The following TAF1 variants were observed in gnomAD, a reference collection of about 807,000 sequenced individuals.
The protein encoded by TAF1 is transcription initiation factor TFIID subunit 1.
Under a neutral mutation model 138.5 loss-of-function variants are expected in TAF1, and 2 were observed. The observed-to-expected ratio is 0.01, with a 90% CI of 0.01 to 0.05. The LOEUF is 0.05. TAF1 is among the 10% of genes least tolerant of loss of function. The probability of loss-of-function intolerance (pLI) is 1.00; values close to 1 mark genes in which losing one functional copy is unlikely to be tolerated. For synonymous variants in TAF1, 437 were observed against 503.2 expected (o/e 0.87, Z 1.76); for missense variants, 709 against 1,478.0 (o/e 0.48, Z 8.53).
At chrX:71,418,825 A>G (rs1448058266) in intron 28 of TAF1, among the ~76,000 whole-genome samples, 3 of 102,711 alleles carry the variant, frequency 2.9e-5, no homozygotes, top group Admixed American at 2.2e-4. Context: ...CTGGGGTGCA[A>G]TGGCACAGTC....
chrX:71,475,376 GAGT>G (rs1445637778), intron 13 of TAF1, among the ~76,000 whole-genome samples: 2 of 110,096 alleles, frequency 1.8e-5, no homozygotes, highest in African/African-American at 6.6e-5. Context: ...ACGAGATCAG[GAGT>G]TTGAGACCAG....
At chrX:71,438,729 G>A (rs1199833368) in intron 32 of TAF1, among the ~76,000 whole-genome samples, 1 of 112,067 alleles carries the variant, frequency 8.9e-6, no homozygotes, top group Non-Finnish European at 1.9e-5. Flanking sequence ...GGGGGAGGCC[G>A]AGATGGGTGG....
At chrX:71,458,391 A>G (rs1162511717) in intron 35 of TAF1, 25 bp downstream of exon 35, 2 of 1,205,217 alleles carry the variant, frequency 1.7e-6, no homozygotes, top group Non-Finnish European at 2.2e-6. Flanking sequence ...TTCTCTTTAT[A>G]AGATTGTTAT....
At chrX:71,471,131 C>T (rs1304729950) in intron 13 of TAF1, among the ~76,000 whole-genome samples, 6 of 108,216 alleles carry the variant, frequency 5.5e-5, no homozygotes, top group South Asian at 8.1e-4. Context: ...TCCTGGCCAA[C>T]ATGGTGAAAC....
At chrX:71,411,809 A>T (rs1278435219) in intron 28 of TAF1, among the ~76,000 whole-genome samples, 1 of 112,294 alleles carries the variant, frequency 8.9e-6, no homozygotes, top group Non-Finnish European at 1.9e-5. Flanking sequence ...CCAGGCTGGA[A>T]TGCGATAGCG....
chrX:71,391,812 A>G (rs28382177), intron 18 of TAF1, among the ~76,000 whole-genome samples: 1 of 109,363 alleles, frequency 9.1e-6, no homozygotes, highest in East Asian at 2.9e-4. Context: ...CTTTTAGTAG[A>G]GATGGGGTTT....
chrX:71,477,391 A>G (rs1010545138), intron 13 of TAF1, among the ~76,000 whole-genome samples: 2 of 110,607 alleles, frequency 1.8e-5, no homozygotes, highest in East Asian at 2.8e-4. Context: ...TCTGGGCCCA[A>G]TTGATCCTCC....
At chrX:71,424,440 T>A (rs1403488700) in intron 32 of TAF1, among the ~76,000 whole-genome samples, 1 of 32,716 alleles carries the variant, frequency 3.1e-5, no homozygotes, top group Non-Finnish European at 5.5e-5. Context: ...TTTTTTTTTT[T>A]GGTAGAGACA....
At chrX:71,401,448 C>G (rs778867802) in intron 24 of TAF1, 80 bp from the exon 25 acceptor site, 25 of 1,130,896 alleles carry the variant, frequency 2.2e-5, no homozygotes, top group Non-Finnish European at 2.6e-5. Context: ...TGAGGGATGA[C>G]TTTATTTCTT....
Position 71,383,130 on chromosome X carries a change from A to C in TAF1, c.1913A>C (p.Gln638Pro). The C allele has an allele frequency of 1.7e-6, 2 of 1,210,457 alleles. No individual in the cohort carries two copies. Among genetic ancestry groups the C allele is most frequent in the Non-Finnish European group, 2.2e-6 (2 of 895,315 alleles). ...ALSQPGPHSV[Q>P]PLLKHIKKKA... The stretch of plus-strand genomic sequence containing the variant: ...TCTCAGCCAGGTCCCCACTCAGTCC[A>C]ACCTTTGCTAAAGCACATCAAAAAA... The change falls in exon 12 of 38, where the codon CAA becomes CCA. Residue 638 changes from glutamine to proline, a missense_variant. Gln to Pro is a moderately conservative substitution (Grantham distance 76). This residue lies in a region of TAF1 where 201 missense variants were observed against 421.3 expected (regional missense o/e 0.48). Coordinates refer to ENST00000423759, the MANE Select transcript of TAF1 (RefSeq NM_004606.5).
downstream of TAF1, among the ~76,000 whole-genome samples, chrX:71,468,409 C>T (rs774920349): frequency 2.8e-4 from 31 of 110,439 alleles, no homozygotes; most frequent in Non-Finnish European, 5.1e-4. Context: ...AAACAGAGGC[C>T]GGGTGCTGTG....
chrX:71,524,675 G>A (rs1161153160), intron 13 of TAF1, among the ~76,000 whole-genome samples: 1 of 109,354 alleles, frequency 9.1e-6, no homozygotes, highest in African/African-American at 3.3e-5. Context: ...GGGTGTGGTG[G>A]CTCACGCCTG....
chrX:71,529,518 T>C (rs2147656945), intron 14 of TAF1: 1 of 230,422 alleles, frequency 4.3e-6, no homozygotes, highest in East Asian at 1.2e-4. Context: ...GCTTCACCAC[T>C]CACTTCCATG....
chrX:71,452,492 C>T (rs1160647766), intron 32 of TAF1, among the ~76,000 whole-genome samples: 1 of 109,899 alleles, frequency 9.1e-6, no homozygotes, highest in African/African-American at 3.3e-5. Flanking sequence ...TCCTCACTTC[C>T]TAGATGGGAT....
At chrX:71,476,362 G>A (rs1343150374) in intron 13 of TAF1, among the ~76,000 whole-genome samples, 1 of 111,296 alleles carries the variant, frequency 9.0e-6, no homozygotes, top group Non-Finnish European at 1.9e-5. Flanking sequence ...TAGGCTGGGT[G>A]TGGTGGCTCA....
At chrX:71,429,768 A>G (rs1376867371) in intron 32 of TAF1, among the ~76,000 whole-genome samples, 1 of 111,165 alleles carries the variant, frequency 9.0e-6, no homozygotes, top group Non-Finnish European at 1.9e-5. Flanking sequence ...CAATAAGAGT[A>G]AAAAAATGAA....
At chrX:71,449,703 C>T (rs185642680) in intron 32 of TAF1, among the ~76,000 whole-genome samples, 9 of 112,118 alleles carry the variant, frequency 8.0e-5, no homozygotes, top group East Asian at 2.8e-4. Flanking sequence ...AAGGAACTAC[C>T]GTTGTACAGG....
Position 71,367,521 on chromosome X carries a change from G to A in TAF1, c.143G>A (p.Gly48Asp), listed in dbSNP as rs148448660. ...CAGGAATGTAAGAAGCACTTGGCAG[G>A]CTTGGGGGCTTTGGGGCTGGGCAGC... ...LDDECKKHLA[G>D]LGALGLGSLI... is the part of the protein sequence containing the mutation. The change falls in exon 2 of 38, where the codon GGC becomes GAC. Residue 48 changes from glycine to aspartate, a missense_variant. By Grantham distance (94) the Gly-to-Asp change is moderately conservative (BLOSUM62 -1). Coordinates refer to ENST00000423759, the MANE Select transcript of TAF1 (RefSeq NM_004606.5). 272 of 1,209,709 alleles carry A rather than the reference G, an allele frequency of 2.2e-4. No individual in the cohort carries two copies. Among genetic ancestry groups the A allele is most frequent in the Non-Finnish European group, 2.9e-4 (256 of 895,234 alleles).
chrX:71,424,118 T>A, intron 31 of TAF1, 36 bp from the exon 32 acceptor site: 1 of 1,196,716 alleles, frequency 8.4e-7, no homozygotes, highest in Non-Finnish European at 1.1e-6. Context: ...TGACTGTGTG[T>A]GTGTGTATCT....
Sources: allele counts gnomAD v4.1 joint callset (sites outside exome capture counted in the v4.1 genomes callset), GRCh38; gene constraint gnomAD v4.1.1; regional missense constraint gnomAD v4.1.1; transcripts MANE v1.5; gene names NCBI Gene and HGNC (gene_info 2026-07-23, HGNC 2026-07-21).